TCERG1L: variants seen among roughly 807,000 people sequenced by gnomAD.
TCERG1L encodes the protein transcription elongation regulator 1 like, also known as transcription elongation regulator 1-like protein.
In TCERG1L, 37 loss-of-function variants were observed where a neutral mutation model predicts 56.3. The observed-to-expected ratio is 0.66, with a 90% confidence interval of 0.51 to 0.87. The LOEUF (loss-of-function observed/expected upper bound fraction) is 0.87. TCERG1L is among the 40% of genes least tolerant of loss of function. TCERG1L has a pLI of 0.00. For synonymous variants in TCERG1L, 324 were observed against 326.3 expected, an observed-to-expected ratio of 0.99 and a Z score of 0.08; for missense variants, 799 against 774.2, an observed-to-expected ratio of 1.03 and a Z score of -0.38.
Position 131,311,321 on chromosome 10 carries a change from CGCGGCGGCG to C in TCERG1L, c.306_314del (p.Ala103_Ala105del). The C allele has an allele frequency of 5.1e-6, 6 of 1,187,254 alleles. No homozygotes were observed. Among genetic ancestry groups the C allele is most frequent in the Non-Finnish European group, 6.3e-6 (6 of 956,744 alleles). 73.5% of individuals were successfully genotyped at this position (1,187,254 alleles called of 1,614,324 possible). A position where few individuals can be genotyped will look rare whatever the true frequency, so the allele number is the denominator to read the frequency against. Reference sequence around the variant, plus strand: ...GCCCGTGGAGCGCGGGGAAGGGGTGCGCGGCGGCGGCGGCGGCGGAGTCTGGCGCAGAGG... The same window carrying C: ...GCCCGTGGAGCGCGGGGAAGGGGTGCGCGGCGGCGGAGTCTGGCGCAGAGG... On this transcript the variant is annotated inframe_deletion, in exon 1 of 12. Coordinates refer to ENST00000368642, the MANE Select transcript of TCERG1L (RefSeq NM_174937.4). The surrounding 1 kb of genome is among the most constrained non-coding windows in gnomAD (Gnocchi z 4.0).
rs1845200632 is a variant in TCERG1L at position 131,093,292 on chromosome 10, T to G, written c.1631A>C (p.Lys544Thr). 6.2e-7 allele frequency: 1 copy of G among 1,613,890 alleles called. No individual in the cohort carries two copies. The highest frequency in any genetic ancestry group is 8.5e-7 in the Non-Finnish European group (1 of 1,179,832). The part of the protein sequence containing the change: ...PRTTFKEFAE[K>T]YGRDQRFRLV... ...TCGGAACCTCTGATCCCGGCCGTATTTCTCTGCAAACTCCTTAAACGTGGT... is the reference window on the plus strand; with the variant it reads ...TCGGAACCTCTGATCCCGGCCGTATGTCTCTGCAAACTCCTTAAACGTGGT... The change falls in exon 12 of 12, where the codon AAA (lysine) becomes ACA (threonine). Residue 544 changes from lysine (K) to threonine (T), a missense_variant. Coordinates refer to ENST00000368642, the MANE Select transcript of TCERG1L (RefSeq NM_174937.4).
intron 7 of TCERG1L, among the ~76,000 whole-genome samples, chr10:131,140,065 C>G (rs749276754): frequency 1.4e-4 from 21 of 152,172 alleles, no homozygotes; most frequent in Admixed American, 3.9e-4. Flanking sequence ...ACTATGGAAT[C>G]ACAGGAGCTG....
intron 4 of TCERG1L, among the ~76,000 whole-genome samples, chr10:131,173,801 G>T (rs1846117092): frequency 6.6e-6 from 1 of 152,210 alleles, no homozygotes; most frequent in Non-Finnish European, 1.5e-5. Flanking sequence ...TCCAGGGCCT[G>T]CCCCTCTACA....
chr10:131,253,566 G>A (rs1375740589), intron 4 of TCERG1L, among the ~76,000 whole-genome samples: 1 of 152,166 alleles, frequency 6.6e-6, no homozygotes, highest in Non-Finnish European at 1.5e-5. Flanking sequence ...CATATTCAGC[G>A]GCTGGGTGAC....
At chr10:131,172,932 C>G (rs1205150865) in intron 4 of TCERG1L, among the ~76,000 whole-genome samples, 1 of 144,974 alleles carries the variant, frequency 6.9e-6, no homozygotes, top group Non-Finnish European at 1.5e-5. Flanking sequence ...TCTTGTCATC[C>G]AGGCTTGGAG....
intron 4 of TCERG1L, among the ~76,000 whole-genome samples, chr10:131,234,272 C>A (rs1006487102): frequency 6.6e-6 from 1 of 152,192 alleles, no homozygotes; most frequent in Non-Finnish European, 1.5e-5. Context: ...AGAGTCCCTG[C>A]TACCTTTTAA....
Position 131,219,314 on chromosome 10 carries a change from A to T in TCERG1L, c.856+40945T>A, listed in dbSNP as rs182993638. 2.3e-3 allele frequency among the ~76,000 whole-genome samples: 348 copies of T among 152,212 alleles called. 1 individual carries two copies. Among genetic ancestry groups the T allele is most frequent in the African/African-American group, 8.1e-3 (335 of 41,538 alleles). On this transcript the variant is annotated intron_variant, in intron 4 of 11. Transcript: ENST00000368642. ...CCTGTCCTTGAGCCAGGCAGGTCCC[A>T]TCATCCTCAAACTCTTACTCAGCTG...
rs998992163 is a variant in TCERG1L, at chr10:131,136,726, C to T, written c.1190-2278G>A. Among the ~76,000 whole-genome samples, 4 of 151,878 alleles carry T rather than the reference C, an allele frequency of 2.6e-5. No homozygotes were observed. The East Asian group carries it at 8.0e-4, about 30-fold the overall frequency. ...GGCCAGGTTGGTCTTGAACTCCTGA[C>T]CCCAAGTGATTCGCCCCCCTCAGCC... On this transcript the variant is annotated intron_variant, in intron 7 of 11. Transcript: ENST00000368642.
chr10:131,297,757 A>G (rs1846713987), intron 3 of TCERG1L, among the ~76,000 whole-genome samples: 1 of 152,224 alleles, frequency 6.6e-6, no homozygotes, highest in African/African-American at 2.4e-5. Flanking sequence ...TTTATCAGAT[A>G]CAGAGTTATT....
chr10:131,261,838 G>A (rs904254907), intron 3 of TCERG1L, among the ~76,000 whole-genome samples: 9 of 152,186 alleles, frequency 5.9e-5, no homozygotes, highest in African/African-American at 2.2e-4. Flanking sequence ...ATCTAGCCTT[G>A]GTGTGTGGGC....
At chr10:131,301,081 G>C (rs1364242364) in intron 3 of TCERG1L, among the ~76,000 whole-genome samples, 2 of 152,010 alleles carry the variant, frequency 1.3e-5, no homozygotes, top group African/African-American at 4.8e-5. Flanking sequence ...CACAGAAAAG[G>C]ATTCCTATAT....
At chr10:131,156,315 A>AT (rs1263487143) in intron 6 of TCERG1L, 1 of 152,160 alleles carries the variant, frequency 6.6e-6, no homozygotes, top group East Asian at 1.9e-4. Flanking sequence ...CCAGAGAAAC[A>AT]TTTTTTTAAA....
At chr10:131,167,598 C>T (rs1167417892) in intron 4 of TCERG1L, among the ~76,000 whole-genome samples, 5 of 152,200 alleles carry the variant, frequency 3.3e-5, no homozygotes, top group African/African-American at 4.8e-5. Flanking sequence ...ACCAGCCTTG[C>T]TGAGGTTCTG....
chr10:131,204,735 T>TCAG (rs2133479864), intron 4 of TCERG1L, among the ~76,000 whole-genome samples: 1 of 152,318 alleles, frequency 6.6e-6, no homozygotes, highest in African/African-American at 2.4e-5. Context: ...AAGACTCCCT[T>TCAG]CAGGGAGAGG....
chr10:131,159,986 G>A (rs969070994), intron 6 of TCERG1L, among the ~76,000 whole-genome samples: 15 of 152,166 alleles, frequency 9.9e-5, no homozygotes, highest in South Asian at 2.1e-4. Flanking sequence ...GCTCAAACAA[G>A]CCTAGGCTCT....
At chr10:131,293,202 CTTCCCCATGTT>C (rs962093263) in intron 3 of TCERG1L, among the ~76,000 whole-genome samples, 1 of 152,062 alleles carries the variant, frequency 6.6e-6, no homozygotes, top group Non-Finnish European at 1.5e-5. Flanking sequence ...TTATCATATG[CTTCCCCATGTT>C]TTCCTTTTTC....
chr10:131,152,100 C>G (rs1208921898), intron 6 of TCERG1L, among the ~76,000 whole-genome samples: 2 of 152,226 alleles, frequency 1.3e-5, no homozygotes, highest in Non-Finnish European at 2.9e-5. Context: ...TGGAGACCTT[C>G]TTCCCATTGT....
intron 4 of TCERG1L, among the ~76,000 whole-genome samples, chr10:131,170,932 G>C (rs1039506355): frequency 1.3e-5 from 2 of 152,170 alleles, no homozygotes; most frequent in African/African-American, 4.8e-5. Flanking sequence ...CGGATCACGA[G>C]GTCAAGAGTT....
chr10:131,212,393 T>G (rs890783850), intron 4 of TCERG1L, among the ~76,000 whole-genome samples: 1 of 152,194 alleles, frequency 6.6e-6, no homozygotes, highest in Non-Finnish European at 1.5e-5. Context: ...CCCAAATGCA[T>G]GATGGGAAAC....
Sources: allele counts gnomAD v4.1 joint callset (sites outside exome capture counted in the v4.1 genomes callset), GRCh38; gene constraint gnomAD v4.1.1; non-coding constraint Gnocchi (gnomAD v3.1); transcripts MANE v1.5; gene names NCBI Gene and HGNC (gene_info 2026-07-23, HGNC 2026-07-21).